The following MAPT variants were observed in gnomAD, a reference collection of about 807,000 sequenced individuals.
The protein encoded by MAPT is microtubule associated protein tau, also known as microtubule-associated protein tau.
A neutral mutation model predicts 67.9 loss-of-function variants in MAPT; 34 were observed. The observed-to-expected ratio is 0.50, with a 90% confidence interval of 0.38 to 0.67. MAPT has a LOEUF of 0.67. Among genes scored for constraint, MAPT ranks in the 30% least tolerant of loss-of-function variants. The pLI is 0.00. For missense variants in MAPT, 881 were observed against 1,115.2 expected, an observed-to-expected ratio of 0.79 and a Z score of 2.99; for synonymous variants, 456 against 464.5, an observed-to-expected ratio of 0.98 and a Z score of 0.23.
intron 1 of MAPT, among the ~76,000 whole-genome samples, chr17:45,946,219 G>A (rs1390385970): frequency 6.6e-6 from 1 of 152,036 alleles, no homozygotes; most frequent in African/African-American, 2.4e-5. Flanking sequence ...GGTGACCAGG[G>A]GCATTCGTGG....
chr17:45,985,816 GT>G (rs1301430386), intron 5 of MAPT: 1 of 681,474 alleles, frequency 1.5e-6, no homozygotes, highest in African/African-American at 1.9e-5. Context: ...TACAGACCCA[GT>G]TGTGGGGTAA....
chr17:46,007,073 A>T (rs536306634), intron 9 of MAPT, among the ~76,000 whole-genome samples: 1 of 152,090 alleles, frequency 6.6e-6, no homozygotes, highest in Non-Finnish European at 1.5e-5. Context: ...CCGTGATGTG[A>T]TTATTGCACA....
intron 11 of MAPT, among the ~76,000 whole-genome samples, chr17:46,014,767 C>T (rs757739459): frequency 4.3e-4 from 65 of 151,478 alleles, no homozygotes; most frequent in Non-Finnish European, 7.7e-4. Flanking sequence ...CCAGCTACTC[C>T]GGAGGCTGAG....
At chr17:45,991,125 A>G (rs942792806) in intron 7 of MAPT, among the ~76,000 whole-genome samples, 2 of 152,214 alleles carry the variant, frequency 1.3e-5, no homozygotes, top group Non-Finnish European at 2.9e-5. Context: ...GTAGTGCACT[A>G]ATGTCCTGCC....
At chr17:45,982,610 G>C (rs1379171353) in intron 4 of MAPT, among the ~76,000 whole-genome samples, 1 of 152,080 alleles carries the variant, frequency 6.6e-6, no homozygotes, top group Non-Finnish European at 1.5e-5. Flanking sequence ...CCACGTCCAA[G>C]AACCCTCTTT....
chr17:45,909,108 G>A (rs1470314702), intron 1 of MAPT, among the ~76,000 whole-genome samples: 2 of 152,186 alleles, frequency 1.3e-5, no homozygotes, highest in Non-Finnish European at 2.9e-5. Flanking sequence ...AGCCCTGAGT[G>A]CAAAATTAGG....
At chr17:45,911,870 T>C (rs2064822414) in intron 1 of MAPT, among the ~76,000 whole-genome samples, 1 of 152,210 alleles carries the variant, frequency 6.6e-6, no homozygotes, top group Non-Finnish European at 1.5e-5. Context: ...CTTTCCACCT[T>C]CCTGGAGGGT....
chr17:45,996,638 C>T lies in MAPT; in HGVS notation c.1972C>T (p.Leu658=), dbSNP rs63750349. 6.2e-7 allele frequency: 1 copy of T among 1,613,960 alleles called. No individual in the cohort carries two copies. ...GTCCAAGATCGGCTCCACTGAGAAC[C>T]TGAAGCACCAGCCGGGAGGCGGGAA... ...VKSKIGSTEN[L]KHQPGGGKVQ... Residue 658 remains leucine (L), a synonymous_variant, in exon 9 of 13, where the codon CTG becomes TTG. Coordinates refer to ENST00000262410, the MANE Select transcript of MAPT (RefSeq NM_001377265.1). The surrounding 1 kb of genome is among the most constrained non-coding windows in gnomAD (Gnocchi z 4.5).
chr17:45,968,484 G>A (rs2071316306), intron 2 of MAPT, among the ~76,000 whole-genome samples: 1 of 152,310 alleles, frequency 6.6e-6, no homozygotes, highest in South Asian at 2.1e-4. Context: ...TTCCCAAGGA[G>A]GGTAGAGAGA....
intron 9 of MAPT, among the ~76,000 whole-genome samples, chr17:46,002,678 CG>C (rs138957038): frequency 3.3e-5 from 5 of 151,840 alleles, no homozygotes; most frequent in East Asian, 3.9e-4. Flanking sequence ...AGCCTTGGGG[CG>C]GGGGGTGCAA....
rs1261920192 is a variant in MAPT, at chr17:45,972,100, G to A, written c.220+155G>A. On this transcript the variant is annotated intron_variant, in intron 3 of 12. Transcript: ENST00000262410. ...GACAGCGTGGTGGGAGCTGAGCCTT[G>A]CGTCGATGCCTTGCTTGCTGGTGCT... 6 of 713,462 alleles carry A rather than the reference G, an allele frequency of 8.4e-6. No individual in the cohort carries two copies. In the East Asian group the frequency reaches 1.6e-4, roughly 19 times the overall value. 44.2% of individuals were successfully genotyped at this position (713,462 alleles called of 1,614,324 possible).
chr17:46,004,854 G>A (rs1015756571), intron 9 of MAPT, among the ~76,000 whole-genome samples: 3 of 152,030 alleles, frequency 2.0e-5, no homozygotes, highest in African/African-American at 4.8e-5. Context: ...TGCGATCTCC[G>A]CCCACTGCAA....
In MAPT at chr17:45,945,528, A is replaced by C. The variant is rs374167648; in HGVS notation, c.-17-16793A>C. Among the ~76,000 whole-genome samples the C allele has an allele frequency of 1.5e-4, 23 of 152,224 alleles. No individual in the cohort carries two copies. In the East Asian group the frequency reaches 2.7e-3, roughly 18 times the overall value. Reference sequence around the variant, plus strand: ...GGAGGTCAACCAAAAGACAAAGCTTATTGGCTGGACATGGTGGCTCACACC... The same window carrying C: ...GGAGGTCAACCAAAAGACAAAGCTTCTTGGCTGGACATGGTGGCTCACACC... On this transcript the variant is annotated intron_variant, in intron 1 of 12. Coordinates refer to ENST00000262410, the MANE Select transcript of MAPT (RefSeq NM_001377265.1).
intron 12 of MAPT, among the ~76,000 whole-genome samples, chr17:46,021,031 C>T (rs1179112542): frequency 1.3e-5 from 2 of 152,214 alleles, no homozygotes; most frequent in African/African-American, 4.8e-5. Context: ...CCCCGCCCTC[C>T]CCTCTTGCCA....
chr17:45,910,982 A>C (rs924366286), intron 1 of MAPT, among the ~76,000 whole-genome samples: 21 of 152,366 alleles, frequency 1.4e-4, no homozygotes, highest in African/African-American at 5.0e-4. Flanking sequence ...CAGTTAGGTA[A>C]CACATCCTGT....
chr17:45,915,465 A>C lies in MAPT; in HGVS notation c.-18+20779A>C, dbSNP rs372606789. On this transcript the variant is annotated intron_variant, in intron 1 of 12. Coordinates refer to ENST00000262410, the MANE Select transcript of MAPT (RefSeq NM_001377265.1). The surrounding 1 kb of genome is among the most constrained non-coding windows in gnomAD (Gnocchi z 4.4). Reference sequence around the variant, plus strand: ...AAGCATGTGTGAGTGTGTATGTTTGAGCATGTGTGGTGTGTTGTGATATGT... The same window carrying C: ...AAGCATGTGTGAGTGTGTATGTTTGCGCATGTGTGGTGTGTTGTGATATGT... Among the ~76,000 whole-genome samples, 111 of 139,080 alleles carry C rather than the reference A, an allele frequency of 8.0e-4. No individual in the cohort carries two copies. The highest frequency in any genetic ancestry group is 2.8e-3 in the African/African-American group (104 of 37,654). 91.2% of individuals were successfully genotyped at this position (139,080 alleles called of 152,430 possible). A position where few individuals can be genotyped will look rare whatever the true frequency, so the allele number is the denominator to read the frequency against.
chr17:45,964,208 T>G (rs2070780326), intron 2 of MAPT, among the ~76,000 whole-genome samples: 1 of 152,084 alleles, frequency 6.6e-6, no homozygotes, highest in Admixed American at 6.5e-5. Flanking sequence ...TTTTTTTTGT[T>G]TTGTTTTGTT....
At chr17:45,949,686 C>G (rs1458526997) in intron 1 of MAPT, among the ~76,000 whole-genome samples, 2 of 152,074 alleles carry the variant, frequency 1.3e-5, no homozygotes, top group East Asian at 1.9e-4. Context: ...CTGAAATAAA[C>G]ATGTTATTAA....
At chr17:45,943,139 C>T (rs577738674) in intron 1 of MAPT, among the ~76,000 whole-genome samples, 7 of 152,308 alleles carry the variant, frequency 4.6e-5, no homozygotes, top group South Asian at 4.1e-4. Flanking sequence ...CTGCAACCTC[C>T]GCCTCCCAGG....
Sources: gnomAD v4.1 joint callset for allele counts (sites outside exome capture counted in the v4.1 genomes callset) on GRCh38, gnomAD v4.1.1 for gene constraint, Gnocchi (gnomAD v3.1) non-coding constraint, MANE v1.5 for transcripts, NCBI Gene and HGNC (gene_info 2026-07-23, HGNC 2026-07-21) for gene names.